The following ARMH3 variants were observed in gnomAD, a reference collection of about 807,000 sequenced individuals.
ARMH3 encodes armadillo-like helical domain-containing protein 3.
A neutral mutation model predicts 99.1 loss-of-function variants in ARMH3; 60 were observed. That is an observed-to-expected ratio of 0.61 (90% CI 0.49 to 0.75). ARMH3 has a LOEUF of 0.75. ARMH3 is among the 30% of genes least tolerant of loss of function. The pLI, the probability that ARMH3 is intolerant of heterozygous loss-of-function variation, is 0.00. For missense variants in ARMH3, 679 were observed against 843.1 expected (o/e 0.81, Z 2.41); for synonymous variants, 285 against 292.8 (o/e 0.97, Z 0.27).
At chr10:101,848,465 T>C (rs1381268367) in intron 25 of ARMH3, among the ~76,000 whole-genome samples, 1 of 152,138 alleles carries the variant, frequency 6.6e-6, no homozygotes, top group Non-Finnish European at 1.5e-5. Flanking sequence ...GAAATAGCTG[T>C]GTAGATTGCC....
intron 15 of ARMH3, among the ~76,000 whole-genome samples, chr10:101,996,317 A>C (rs1026436714): frequency 1.3e-5 from 2 of 152,252 alleles, no homozygotes; most frequent in Admixed American, 6.5e-5. Flanking sequence ...TGTAGAAGTT[A>C]GCTATTACTA....
At chr10:101,861,998 G>C (rs1355385709) in intron 24 of ARMH3, among the ~76,000 whole-genome samples, 1 of 129,860 alleles carries the variant, frequency 7.7e-6, no homozygotes, top group African/African-American at 2.9e-5. Context: ...GCAGTGAGCC[G>C]AGATTGTGCC....
At chr10:102,021,890 A>G (rs1171341025) in intron 8 of ARMH3, among the ~76,000 whole-genome samples, 2 of 151,804 alleles carry the variant, frequency 1.3e-5, no homozygotes, top group African/African-American at 4.8e-5. Context: ...CTGTCTTACT[A>G]TTTGAGTAAG....
intron 23 of ARMH3, among the ~76,000 whole-genome samples, chr10:101,935,180 T>C (rs1402912166): frequency 1.4e-5 from 2 of 145,162 alleles, no homozygotes. Flanking sequence ...GAGCAATATA[T>C]ATATATATAT....
chr10:102,033,014 C>T lies in ARMH3; in HGVS notation c.306+12G>A. The T allele has an allele frequency of 6.2e-7, 1 of 1,613,360 alleles. No individual in the cohort carries two copies. Among genetic ancestry groups the T allele is most frequent in the African/African-American group, 1.3e-5 (1 of 75,040 alleles). On this transcript the variant is annotated intron_variant, in intron 4 of 25. Coordinates refer to ENST00000370033, the MANE Select transcript of ARMH3 (RefSeq NM_024541.3). ...TGTTAAACAAGACTTCCCCAGTCTC[C>T]CAGCCTTGTACCTGCAATGCATTGA...
chr10:101,999,168 A>T (rs1365609684), intron 15 of ARMH3, among the ~76,000 whole-genome samples: 1 of 152,026 alleles, frequency 6.6e-6, no homozygotes, highest in Non-Finnish European at 1.5e-5. Context: ...GAATATTTCA[A>T]TTATTTTTGT....
intron 19 of ARMH3, among the ~76,000 whole-genome samples, chr10:101,985,909 T>G (rs1210729053): frequency 1.3e-5 from 2 of 151,650 alleles, no homozygotes; most frequent in Non-Finnish European, 2.9e-5. Context: ...TCCCAGCTAC[T>G]CAGGAAGCTG....
At chr10:101,894,587 G>A (rs1429959736) in intron 23 of ARMH3, among the ~76,000 whole-genome samples, 1 of 152,166 alleles carries the variant, frequency 6.6e-6, no homozygotes, top group African/African-American at 2.4e-5. Context: ...AGAAAGATAA[G>A]GCACCACGTT....
At chr10:101,927,921 A>G (rs974755310) in intron 23 of ARMH3, among the ~76,000 whole-genome samples, 2 of 152,172 alleles carry the variant, frequency 1.3e-5, no homozygotes, top group African/African-American at 2.4e-5. Context: ...AACAATACAA[A>G]AAACTAGCCG....
chr10:101,872,250 C>T (rs918623093), intron 24 of ARMH3, among the ~76,000 whole-genome samples: 8 of 146,372 alleles, frequency 5.5e-5, no homozygotes, highest in African/African-American at 1.8e-4. Context: ...TGTGTAACAA[C>T]GTGTGTGTGT....
chr10:102,049,408 G>A (rs2067638502), intron 1 of ARMH3, among the ~76,000 whole-genome samples: 1 of 151,936 alleles, frequency 6.6e-6, no homozygotes, highest in Admixed American at 6.6e-5. Context: ...CACGCATCGT[G>A]GCAAGTGCCT....
At chr10:101,876,351 T>C (rs1404215878) in intron 24 of ARMH3, among the ~76,000 whole-genome samples, 1 of 151,288 alleles carries the variant, frequency 6.6e-6, no homozygotes, top group East Asian at 1.9e-4. Context: ...CCTCCCCACC[T>C]GAAATTTCTT....
At chr10:101,985,489 G>C (rs771159026) in intron 19 of ARMH3, among the ~76,000 whole-genome samples, 1 of 151,612 alleles carries the variant, frequency 6.6e-6, no homozygotes, top group Non-Finnish European at 1.5e-5. Context: ...CTGAGGCAGG[G>C]GGATCACTTG....
intron 25 of ARMH3, 25 bp downstream of exon 25, chr10:101,849,751 C>T (rs1205343313): frequency 1.2e-6 from 2 of 1,600,406 alleles, no homozygotes; most frequent in Admixed American, 1.7e-5. Context: ...CCCTAAGACA[C>T]AGGCAGAGGC....
At chr10:101,855,806 C>T (rs1284079498) in intron 24 of ARMH3, among the ~76,000 whole-genome samples, 1 of 148,832 alleles carries the variant, frequency 6.7e-6, no homozygotes, top group Non-Finnish European at 1.5e-5. Context: ...AATAATAGTT[C>T]TGGGAGGAGC....
chr10:101,876,247 C>CAAAA (rs34928343), intron 24 of ARMH3, among the ~76,000 whole-genome samples: 3,169 of 82,442 alleles, frequency 0.038, 144 homozygotes, highest in Non-Finnish European at 0.047. Flanking sequence ...GGCTCCATCT[C>CAAAA]AAAAAAAAAA....
intron 24 of ARMH3, among the ~76,000 whole-genome samples, chr10:101,860,065 A>AAT (rs2066827145): frequency 6.6e-6 from 1 of 152,148 alleles, no homozygotes; most frequent in South Asian, 2.1e-4. Flanking sequence ...TGGACCCAAG[A>AAT]ATAGATGGAA....
intron 23 of ARMH3, among the ~76,000 whole-genome samples, chr10:101,901,865 G>A (rs1376887881): frequency 1.3e-5 from 2 of 152,228 alleles, no homozygotes; most frequent in African/African-American, 2.4e-5. Flanking sequence ...TTCTGCCTAA[G>A]TGAAGTTGAT....
At chr10:102,032,999 G>T in intron 4 of ARMH3, 27 bp downstream of exon 4, 5 of 1,610,884 alleles carry the variant, frequency 3.1e-6, no homozygotes, top group Non-Finnish European at 2.5e-6. Context: ...TGTTAAACAA[G>T]ACTTCCCCAG....
Sources: allele counts gnomAD v4.1 joint callset (sites outside exome capture counted in the v4.1 genomes callset), GRCh38; gene constraint gnomAD v4.1.1; transcripts MANE v1.5; gene names NCBI Gene and HGNC (gene_info 2026-07-23, HGNC 2026-07-21).